LTBP1: variants seen among roughly 807,000 people sequenced by gnomAD.
LTBP1 encodes the protein latent transforming growth factor beta binding protein 1, also known as latent-transforming growth factor beta-binding protein 1.
Under a neutral mutation model 207.6 loss-of-function variants are expected in LTBP1, and 129 were observed. The observed-to-expected ratio is 0.62, with a 90% CI of 0.54 to 0.72. The LOEUF (loss-of-function observed/expected upper bound fraction) is 0.72. LTBP1 is among the 30% of genes least tolerant of loss of function. The pLI, the probability that LTBP1 is intolerant of heterozygous loss-of-function variation, is 0.00. For synonymous variants in LTBP1, 963 were observed against 833.7 expected (o/e 1.16, Z -2.67); for missense variants, 2,281 against 2,217.2 (o/e 1.03, Z -0.58).
chr2:33,339,584 CT>C (rs1279999267), intron 24 of LTBP1, among the ~76,000 whole-genome samples: 1 of 151,636 alleles, frequency 6.6e-6, no homozygotes, highest in African/African-American at 2.4e-5. Context: ...TATTGAGTGT[CT>C]TTTTTGTGTT....
At chr2:33,169,609 A>T (rs1158012956) in intron 5 of LTBP1, among the ~76,000 whole-genome samples, 1 of 152,230 alleles carries the variant, frequency 6.6e-6, no homozygotes, top group Non-Finnish European at 1.5e-5. Flanking sequence ...AAACCATAGA[A>T]CATATAATAG....
At position 33,187,061 on chromosome 2, in the gene LTBP1, T is replaced by A. The variant is rs2087283064; in HGVS notation, c.1407T>A (p.Thr469=). 1.2e-6 allele frequency: 2 copies of A among 1,614,122 alleles called. No homozygotes were observed. The highest frequency in any genetic ancestry group is 4.5e-5 in the East Asian group (2 of 44,882). The change falls in exon 6 of 34, where the codon ACT becomes ACA. Residue 469 remains threonine (T), a synonymous_variant. Transcript: ENST00000404816. ...CACATACCTTGCCTCTGACCGTGAC[T>A]AGCCAGCAAGGAGTCAAAGGTAAGC... ...HSTHTLPLTV[T]SQQGVKVKFP... is the part of the protein sequence containing the mutation.
chr2:32,978,068 T>A (rs1682105793), intron 2 of LTBP1, among the ~76,000 whole-genome samples: 1 of 152,222 alleles, frequency 6.6e-6, no homozygotes, highest in Non-Finnish European at 1.5e-5. Context: ...GATTTTTATA[T>A]CCTGCAACTT....
chr2:33,052,043 G>A (rs192790283), intron 3 of LTBP1, among the ~76,000 whole-genome samples: 34 of 152,368 alleles, frequency 2.2e-4, no homozygotes, highest in Non-Finnish European at 2.1e-4. Context: ...TATAGTCATT[G>A]ACTTTTAGGG....
chr2:33,217,605 G>A lies in LTBP1; in HGVS notation c.1755G>A (p.Val585=), dbSNP rs1408674664. 2.5e-6 allele frequency: 4 copies of A among 1,613,890 alleles called. No individual in the cohort carries two copies. The highest frequency in any genetic ancestry group is 3.4e-6 in the Non-Finnish European group (4 of 1,179,858). ...AGCAAGAGGACTGCTGTGGAACTGTGGGTACCTCCTGGGGCTTTAACAAAT... is the reference window on the plus strand; with the variant it reads ...AGCAAGAGGACTGCTGTGGAACTGTAGGTACCTCCTGGGGCTTTAACAAAT... The part of the protein sequence containing the change: ...LSKQEDCCGT[V]GTSWGFNKCQ... The change falls in exon 8 of 34, where the codon GTG becomes GTA. Residue 585 remains valine (V), a synonymous_variant. Coordinates refer to ENST00000404816, the MANE Select transcript of LTBP1 (RefSeq NM_206943.4).
In LTBP1 at chr2:33,259,593, A is replaced by G; in HGVS notation, c.2401A>G (p.Thr801Ala). ...TTTTTCTTTTCTGGTTTTAGTGGCA[A>G]CTGCACCCCCTGAAAAGGTAATTTA... ...GPGVAEPEVA[T>A]APPEKEIPSL... is the part of the protein sequence containing the mutation. Residue 801 changes from threonine (T) to alanine (A), a missense_variant, in exon 13 of 34, where the codon ACT becomes GCT. This residue lies in a region of LTBP1 where 1,671 missense variants were observed against 1,634.8 expected (regional missense o/e 1.02). Transcript: ENST00000404816. 1 of 1,604,216 alleles carries G rather than the reference A, an allele frequency of 6.2e-7. No individual in the cohort carries two copies. Among genetic ancestry groups the G allele is most frequent in the Non-Finnish European group, 8.5e-7 (1 of 1,175,782 alleles).
intron 31 of LTBP1, among the ~76,000 whole-genome samples, chr2:33,380,570 T>TA (rs909615836): frequency 1.5e-4 from 23 of 149,210 alleles, no homozygotes; most frequent in African/African-American, 3.4e-4. Flanking sequence ...ACTCCGTCTT[T>TA]AAAAAAAAAA....
chr2:33,192,926 C>G (rs2088076661), intron 7 of LTBP1, among the ~76,000 whole-genome samples: 1 of 152,088 alleles, frequency 6.6e-6, no homozygotes, highest in Non-Finnish European at 1.5e-5. Context: ...TAACCCACTC[C>G]CAAGATAATG....
chr2:33,255,204 T>G (rs1369920606), intron 11 of LTBP1, among the ~76,000 whole-genome samples: 1 of 151,110 alleles, frequency 6.6e-6, no homozygotes, highest in African/African-American at 2.4e-5. Context: ...TGCGATAGTT[T>G]ACTGAGAATG....
intron 3 of LTBP1, among the ~76,000 whole-genome samples, chr2:33,075,805 C>T (rs964474649): frequency 1.3e-5 from 2 of 152,190 alleles, no homozygotes; most frequent in Non-Finnish European, 2.9e-5. Flanking sequence ...TGATAAAAGT[C>T]ACTTCCAGGT....
chr2:33,170,436 G>A (rs935010585), intron 5 of LTBP1, among the ~76,000 whole-genome samples: 7 of 152,274 alleles, frequency 4.6e-5, no homozygotes, highest in South Asian at 4.1e-4. Flanking sequence ...CTGCAAGGCC[G>A]CGGCCAGGCT....
At position 33,397,263 on chromosome 2, in the gene LTBP1, G is replaced by T; in HGVS notation, c.4965G>T (p.Thr1655=). The change falls in exon 33 of 34, where the codon ACG becomes ACT. Residue 1655 remains threonine (T), a synonymous_variant. Transcript: ENST00000404816. ...CDCFDGYHLD[T]AKMTCVDVNE... is the part of the protein sequence containing the mutation. ...GCTTTGATGGGTATCACTTGGATACGGCCAAGATGACCTGTGTCGGTAAGA... is the reference window on the plus strand; with the variant it reads ...GCTTTGATGGGTATCACTTGGATACTGCCAAGATGACCTGTGTCGGTAAGA... The T allele has an allele frequency of 6.2e-7, 1 of 1,614,018 alleles. No homozygotes were observed. Among genetic ancestry groups the T allele is most frequent in the Non-Finnish European group, 8.5e-7 (1 of 1,179,946 alleles).
At chr2:33,347,577 T>G (rs745772810) in intron 26 of LTBP1, 67 bp downstream of exon 26, 285 of 1,591,612 alleles carry the variant, frequency 1.8e-4, no homozygotes, top group Non-Finnish European at 2.4e-4. Context: ...CCACACAGCT[T>G]TGGGATAAAC....
intron 24 of LTBP1, among the ~76,000 whole-genome samples, chr2:33,330,929 G>T (rs1321451530): frequency 1.3e-5 from 2 of 151,046 alleles, no homozygotes; most frequent in African/African-American, 4.9e-5. Flanking sequence ...TTTTTAAATT[G>T]CAGTTAAGAT....
intron 26 of LTBP1, among the ~76,000 whole-genome samples, chr2:33,360,083 G>C (rs899264230): frequency 6.6e-6 from 1 of 152,144 alleles, no homozygotes; most frequent in Non-Finnish European, 1.5e-5. Context: ...AGTGATGAAA[G>C]GTTATTTAAT....
At chr2:32,989,001 A>G (rs1381913479) in intron 2 of LTBP1, among the ~76,000 whole-genome samples, 1 of 152,162 alleles carries the variant, frequency 6.6e-6, no homozygotes. Flanking sequence ...TGAATTCCAA[A>G]ATGACGGCAC....
At chr2:33,362,403 TG>T (rs1172419864) in intron 28 of LTBP1, among the ~76,000 whole-genome samples, 1 of 152,188 alleles carries the variant, frequency 6.6e-6, no homozygotes, top group Non-Finnish European at 1.5e-5. Context: ...TAATATGTGT[TG>T]AATGGTTTCC....
At chr2:33,360,966 C>G (rs373358691) in intron 27 of LTBP1, among the ~76,000 whole-genome samples, 187 bp downstream of exon 27, 1 of 152,206 alleles carries the variant, frequency 6.6e-6, no homozygotes, top group Non-Finnish European at 1.5e-5. Flanking sequence ...TCTTCATCAT[C>G]GTGTACTTTG....
chr2:33,208,002 C>A (rs1478832014), intron 7 of LTBP1, among the ~76,000 whole-genome samples: 1 of 152,202 alleles, frequency 6.6e-6, no homozygotes, highest in African/African-American at 2.4e-5. Flanking sequence ...CAACCTGTTA[C>A]ATGTAGTCAG....
Sources: allele counts gnomAD v4.1 joint callset (sites outside exome capture counted in the v4.1 genomes callset), GRCh38; gene constraint gnomAD v4.1.1; regional missense constraint gnomAD v4.1.1; transcripts MANE v1.5; gene names NCBI Gene and HGNC (gene_info 2026-07-23, HGNC 2026-07-21).